MYO7A: variants seen among roughly 807,000 people sequenced by gnomAD.
MYO7A encodes myosin VIIA.
MYO7A carries 210 observed loss-of-function variants against 263.8 expected under a neutral mutation model. That is an observed-to-expected ratio of 0.80 (90% CI 0.71 to 0.89). The LOEUF is 0.89. Among genes scored for constraint, MYO7A ranks in the 40% least tolerant of loss-of-function variants. The pLI, the probability that MYO7A is intolerant of heterozygous loss-of-function variation, is 0.00. For missense variants in MYO7A, 2,820 were observed against 2,968.3 expected (o/e 0.95, Z 1.16); for synonymous variants, 1,239 against 1,197.3 (o/e 1.03, Z -0.72).
In MYO7A at chr11:77,182,031, CCT is replaced by C; in HGVS notation, c.2990_2991del (p.Ser997Ter). On this transcript the variant is annotated frameshift_variant, in exon 24 of 49. Coordinates refer to ENST00000409709, the MANE Select transcript of MYO7A (RefSeq NM_000260.4). LOFTEE classifies it high-confidence loss of function. ...CCCTGCCTGACGAGGATGAGGAGGA[CCT>C]CTCTGAGTATAAATTTGCCAAGTTC... ...LPLPDEDEEDLSEYKFAKFAA... is the reference protein window; with the variant it reads ...LPLPDEDEEDXSEYKFAKFAA... The C allele has an allele frequency of 1.2e-6, 2 of 1,613,410 alleles. No individual in the cohort carries two copies. The highest frequency in any genetic ancestry group is 1.7e-6 in the Non-Finnish European group (2 of 1,179,804).
intron 40 of MYO7A, 50 bp from the exon 41 acceptor site, chr11:77,206,047 T>C (rs1291910539): frequency 7.0e-7 from 1 of 1,425,116 alleles, no homozygotes; most frequent in East Asian, 2.4e-5. Context: ...GGTCCCCTGG[T>C]CTCCACAGTC....
intron 19 of MYO7A, among the ~76,000 whole-genome samples, chr11:77,177,879 A>G (rs1167175771): frequency 1.3e-5 from 2 of 152,198 alleles, no homozygotes; most frequent in East Asian, 3.8e-4. Flanking sequence ...ACATTCACCT[A>G]CATATGCACA....
At chr11:77,206,339 G>A (rs951964529) in intron 41 of MYO7A, 137 bp downstream of exon 41, 45 of 677,670 alleles carry the variant, frequency 6.6e-5, no homozygotes, top group Non-Finnish European at 8.6e-5. Context: ...TAGTGGAGTC[G>A]GGGCTCAGGA....
At position 77,172,795 on chromosome 11, in the gene MYO7A, G is replaced by T; in HGVS notation, c.1845G>T (p.Lys615Asn). ...KRSPTLSSQF[K>N]RSLELLMRTL... is the part of the protein sequence containing the mutation. ...CGCCCACACTTAGCAGCCAGTTCAAGCGGTCACTGGAGCTGCTGATGCGCA... is the reference window on the plus strand; with the variant it reads ...CGCCCACACTTAGCAGCCAGTTCAATCGGTCACTGGAGCTGCTGATGCGCA... The change falls in exon 16 of 49, where the codon AAG (lysine) becomes AAT (asparagine). Residue 615 changes from lysine (K) to asparagine (N), a missense_variant. Transcript: ENST00000409709. 1 of 1,559,114 alleles carries T rather than the reference G, an allele frequency of 6.4e-7. No individual in the cohort carries two copies. Among genetic ancestry groups the T allele is most frequent in the Non-Finnish European group, 8.7e-7 (1 of 1,151,790 alleles).
intron 10 of MYO7A, 66 bp from the exon 11 acceptor site, chr11:77,160,097 G>C (rs1952844952): frequency 1.3e-6 from 2 of 1,522,976 alleles, no homozygotes; most frequent in Admixed American, 2.0e-5. Context: ...AAAGTGGAGG[G>C]ATCCGGGTGT....
At chr11:77,192,919 AGTGATGGTGTTGTTT>A (rs1956230543) in intron 31 of MYO7A, among the ~76,000 whole-genome samples, 1 of 4,496 alleles carries the variant, frequency 2.2e-4, no homozygotes, top group Non-Finnish European at 4.8e-4. Flanking sequence ...GGTGGAGGGT[AGTGATGGTGTTGTTT>A]GTGATGGTGG....
intron 4 of MYO7A, among the ~76,000 whole-genome samples, chr11:77,154,425 G>A (rs1295191310): frequency 6.6e-6 from 1 of 152,172 alleles, no homozygotes; most frequent in Non-Finnish European, 1.5e-5. Flanking sequence ...GCAGCCCTGG[G>A]CCATGTGGGT....
chr11:77,160,801 G>A (rs1461835747), intron 11 of MYO7A, among the ~76,000 whole-genome samples, 172 bp from the exon 12 acceptor site: 2 of 152,148 alleles, frequency 1.3e-5, no homozygotes. Context: ...AACTGTTCAA[G>A]CAGGAAAAGG....
chr11:77,208,502 C>A lies in MYO7A; in HGVS notation c.5929C>A (p.Arg1977=). 1 of 1,613,276 alleles carries A rather than the reference C, an allele frequency of 6.2e-7. No homozygotes were observed. Among genetic ancestry groups the A allele is most frequent in the East Asian group, 2.2e-5 (1 of 44,868 alleles). The change falls in exon 43 of 49, where the codon CGG becomes AGG. Residue 1977 remains arginine (R), a synonymous_variant. Coordinates refer to ENST00000409709, the MANE Select transcript of MYO7A (RefSeq NM_000260.4). ...CTTGACAGACTGGATAAAGAAAGCT[C>A]GGCCCATCAAGGACGGTAATGAGGC... ...RHLTDWIKKA[R]PIKDGIVPSL... is the part of the protein sequence containing the mutation.
At chr11:77,172,936 G>A (rs1954262420) in intron 16 of MYO7A, 51 bp downstream of exon 16, 2 of 1,518,560 alleles carry the variant, frequency 1.3e-6, no homozygotes, top group East Asian at 2.5e-5. Context: ...GTGACGTGGA[G>A]GAGCTAGGTC....
chr11:77,181,408 A>G lies in MYO7A; in HGVS notation c.2723A>G (p.Asp908Gly), dbSNP rs1555084057. 6 of 1,580,418 alleles carry G rather than the reference A, an allele frequency of 3.8e-6. No homozygotes were observed. The South Asian group carries it at 6.9e-5, about 18-fold the overall frequency. ...CGCCTGGCCCAGCTGGCTCGTGAGG[A>G]CGCTGAGCGGGAGCTGAAGGAGAAG... ...QERLAQLAREDAERELKEKEA... is the reference protein window; with the variant it reads ...QERLAQLAREGAERELKEKEA... The change falls in exon 23 of 49, where the codon GAC becomes GGC. Residue 908 changes from aspartate (D) to glycine (G), a missense_variant. Physicochemically the swap from Asp to Gly is moderately conservative, Grantham distance 94. Transcript: ENST00000409709.
chr11:77,189,478 G>A lies in MYO7A; in HGVS notation c.3630+8G>A, dbSNP rs1438101781. 3 of 1,613,672 alleles carry A rather than the reference G, an allele frequency of 1.9e-6. No homozygotes were observed. The highest frequency in any genetic ancestry group is 1.3e-5 in the African/African-American group (1 of 74,922). On this transcript the variant is annotated splice_region_variant and intron_variant, in intron 28 of 48. Transcript: ENST00000409709. The stretch of plus-strand genomic sequence containing the variant: ...TCCGAGAAGTTTGTCAAGGTAGGAA[G>A]GTGCCTGGCCTCCTGGAGTGGGAAG...
intron 36 of MYO7A, among the ~76,000 whole-genome samples, chr11:77,202,092 T>C (rs951865686): frequency 6.6e-6 from 1 of 152,076 alleles, no homozygotes; most frequent in African/African-American, 2.4e-5. Flanking sequence ...ATCAGACACC[T>C]GGGGAAGGGC....
chr11:77,180,223 G>A, intron 21 of MYO7A, 151 bp from the exon 22 acceptor site: 1 of 733,538 alleles, frequency 1.4e-6, no homozygotes, highest in Non-Finnish European at 2.3e-6. Flanking sequence ...CAGCCCGCTG[G>A]GTGACCTAGA....
rs183419894 is a variant in MYO7A at position 77,138,062 on chromosome 11, A to G, written c.19-4647A>G. On this transcript the variant is annotated intron_variant, in intron 2 of 48. Transcript: ENST00000409709. The surrounding 1 kb of genome is among the most constrained non-coding windows in gnomAD (Gnocchi z 4.9). ...CAGGTGCCACGTTTATCCCGGGCCT[A>G]CCGCCGCGGTGCCAGTGAAGCCGCC... Among the ~76,000 whole-genome samples the G allele has an allele frequency of 1.1e-3, 167 of 151,902 alleles. No individual in the cohort carries two copies. The highest frequency in any genetic ancestry group is 3.9e-3 in the African/African-American group (163 of 41,430).
intron 32 of MYO7A, among the ~76,000 whole-genome samples, chr11:77,196,107 G>A (rs533693014): frequency 1.3e-5 from 2 of 152,336 alleles, no homozygotes; most frequent in Non-Finnish European, 2.9e-5. Flanking sequence ...GGTGGCTCAC[G>A]CCTGTAATCC....
chr11:77,189,277 G>T, intron 27 of MYO7A, 67 bp from the exon 28 acceptor site: 1 of 1,597,466 alleles, frequency 6.3e-7, no homozygotes. Context: ...TGGCTGCTAG[G>T]AGGAGGTGGG....
At chr11:77,188,328 T>C (rs1277008634) in intron 27 of MYO7A, among the ~76,000 whole-genome samples, 2 of 152,238 alleles carry the variant, frequency 1.3e-5, no homozygotes, top group Admixed American at 6.5e-5. Flanking sequence ...TTTGGAAATT[T>C]AAAATTACCT....
At chr11:77,180,066 A>G in intron 21 of MYO7A, 113 bp downstream of exon 21, 1 of 1,140,310 alleles carries the variant, frequency 8.8e-7, no homozygotes, top group Non-Finnish European at 1.2e-6. Flanking sequence ...ACCTGCAGTT[A>G]TGCCTGCTCT....
Sources: allele counts gnomAD v4.1 joint callset (sites outside exome capture counted in the v4.1 genomes callset), GRCh38; gene constraint gnomAD v4.1.1; non-coding constraint Gnocchi (gnomAD v3.1); transcripts MANE v1.5; gene names NCBI Gene and HGNC (gene_info 2026-07-23, HGNC 2026-07-21).